IGF1R: variants seen among roughly 807,000 people sequenced by gnomAD.
The protein encoded by IGF1R is insulin-like growth factor 1 receptor.
IGF1R carries 44 observed loss-of-function variants against 144.6 expected under a neutral mutation model. The ratio of observed to expected loss-of-function variants is 0.30; its 90% CI spans 0.24 to 0.39. IGF1R has a LOEUF of 0.39. IGF1R is among the 10% of genes least tolerant of loss of function. The probability of loss-of-function intolerance (pLI) is 1.00; values close to 1 mark genes in which losing one functional copy is unlikely to be tolerated. For missense variants in IGF1R, 1,355 were observed against 1,833.7 expected (o/e 0.74, Z 4.77); for synonymous variants, 795 against 722.8 (o/e 1.10, Z -1.60).
At chr15:98,911,590 A>G (rs2015022509) in intron 7 of IGF1R, 149 bp downstream of exon 7, 1 of 1,008,434 alleles carries the variant, frequency 9.9e-7, no homozygotes, top group South Asian at 1.3e-5. Flanking sequence ...CTTCATCCTC[A>G]TGCACCCTCT....
At chr15:98,872,331 C>T (rs909635836) in intron 2 of IGF1R, among the ~76,000 whole-genome samples, 36 of 152,288 alleles carry the variant, frequency 2.4e-4, no homozygotes, top group Non-Finnish European at 3.4e-4. Flanking sequence ...AGTATATGAA[C>T]TGATCAGAGA....
chr15:98,672,569 C>CAAA lies in IGF1R; in HGVS notation c.94+22913_94+22915dup, dbSNP rs60559912. Among the ~76,000 whole-genome samples, 75 of 61,638 alleles carry CAAA rather than the reference C, an allele frequency of 1.2e-3. 2 individuals carry two copies. The highest frequency in any genetic ancestry group is 3.1e-3 in the African/African-American group (68 of 22,200). The allele number at this position is 61,638 out of a possible 152,430, so 40.4% of individuals were successfully genotyped here. A position where few individuals can be genotyped will look rare whatever the true frequency, so the allele number is the denominator to read the frequency against. On this transcript the variant is annotated intron_variant, in intron 1 of 20. Coordinates refer to ENST00000650285, the MANE Select transcript of IGF1R (RefSeq NM_000875.5). Reference sequence around the variant, plus strand: ...TGAGTGACAGAGCAAGACTCCATCTCAAAAAAAAAAAAAAAAAAAAAGTGT... The same window carrying CAAA: ...TGAGTGACAGAGCAAGACTCCATCTCAAAAAAAAAAAAAAAAAAAAAAAAGTGT...
chr15:98,895,740 A>T (rs901405136), intron 3 of IGF1R, among the ~76,000 whole-genome samples: 5 of 152,252 alleles, frequency 3.3e-5, no homozygotes, highest in Admixed American at 2.0e-4. Flanking sequence ...AGGGACATTA[A>T]TAAAAAGAGC....
In IGF1R at chr15:98,935,461, C is replaced by T; in HGVS notation, c.3297+35C>T. ...CATTTCCACCGGTATTGCATGTTGC[C>T]TGGCCTGCTCTCTTTTCCTTTATAA... On this transcript the variant is annotated intron_variant, in intron 17 of 20. Coordinates refer to ENST00000650285, the MANE Select transcript of IGF1R (RefSeq NM_000875.5). This position sits in a 1 kb window ranked among gnomAD's most constrained non-coding sequence, Gnocchi z 4.2. 8.5e-7 allele frequency: 1 copy of T among 1,169,618 alleles called. No homozygotes were observed. Among genetic ancestry groups the T allele is most frequent in the East Asian group, 2.5e-5 (1 of 39,240 alleles). 72.5% of individuals were successfully genotyped at this position (1,169,618 alleles called of 1,614,324 possible). A position where few individuals can be genotyped will look rare whatever the true frequency, so the allele number is the denominator to read the frequency against.
At chr15:98,827,501 A>G (rs2056915519) in intron 2 of IGF1R, among the ~76,000 whole-genome samples, 2 of 152,214 alleles carry the variant, frequency 1.3e-5, no homozygotes, top group South Asian at 4.1e-4. Context: ...AGACTTGGTA[A>G]ACCAAGGCAT....
intron 2 of IGF1R, among the ~76,000 whole-genome samples, chr15:98,780,378 T>G (rs926430174): frequency 6.6e-6 from 1 of 151,282 alleles, no homozygotes; most frequent in Non-Finnish European, 1.5e-5. Context: ...TGGAGAAACC[T>G]CATCTCTACT....
Position 98,961,994 on chromosome 15 carries a change from T to C in IGF1R, c.*4552T>C, listed in dbSNP as rs1003297648. 3.9e-4 allele frequency: 92 copies of C among 233,312 alleles called. No homozygotes were observed. Among genetic ancestry groups the C allele is most frequent in the African/African-American group, 2.0e-3 (89 of 45,468 alleles). The allele number at this position is 233,312 out of a possible 1,614,324, so 14.5% of individuals were successfully genotyped here. A position where few individuals can be genotyped will look rare whatever the true frequency, so the allele number is the denominator to read the frequency against. On this transcript the variant is annotated 3_prime_UTR_variant, in exon 21 of 21. Coordinates refer to ENST00000650285, the MANE Select transcript of IGF1R (RefSeq NM_000875.5). Reference sequence around the variant, plus strand: ...CATTGGGGTGCTTTGGGATAAAAGATTTATGAGCCAACTATTCTCTGGCAC... The same window carrying C: ...CATTGGGGTGCTTTGGGATAAAAGACTTATGAGCCAACTATTCTCTGGCAC...
At chr15:98,729,749 G>A (rs1272833918) in intron 2 of IGF1R, among the ~76,000 whole-genome samples, 1 of 152,124 alleles carries the variant, frequency 6.6e-6, no homozygotes, top group African/African-American at 2.4e-5. Context: ...TCCTCTTGAA[G>A]AGCCCTAACA....
intron 2 of IGF1R, among the ~76,000 whole-genome samples, chr15:98,885,451 A>T (rs115730240): frequency 3.9e-5 from 6 of 152,184 alleles, no homozygotes; most frequent in African/African-American, 1.4e-4. Flanking sequence ...TCTCCTGGCA[A>T]GGCAAGAGAA....
In IGF1R at chr15:98,962,851, G is replaced by A; in HGVS notation, c.*5409G>A. Reference sequence around the variant, plus strand: ...ACTGATCTCGGAGTTAAGGCGAATTGTTCAAGAACACAAACTACATCGCAC... The same window carrying A: ...ACTGATCTCGGAGTTAAGGCGAATTATTCAAGAACACAAACTACATCGCAC... On this transcript the variant is annotated 3_prime_UTR_variant, in exon 21 of 21. Coordinates refer to ENST00000650285, the MANE Select transcript of IGF1R (RefSeq NM_000875.5). The A allele has an allele frequency of 4.3e-6, 1 of 233,766 alleles. No individual in the cohort carries two copies. Among genetic ancestry groups the A allele is most frequent in the Non-Finnish European group, 8.5e-6 (1 of 118,068 alleles). 14.5% of individuals were successfully genotyped at this position (233,766 alleles called of 1,614,324 possible). A position where few individuals can be genotyped will look rare whatever the true frequency, so the allele number is the denominator to read the frequency against.
At chr15:98,951,442 C>T (rs1042525819) in intron 20 of IGF1R, among the ~76,000 whole-genome samples, 1 of 152,278 alleles carries the variant, frequency 6.6e-6, no homozygotes, top group African/African-American at 2.4e-5. Context: ...TTCTCCCCTT[C>T]TGTGTTAGTT....
At chr15:98,653,156 A>G (rs953589338) in intron 1 of IGF1R, among the ~76,000 whole-genome samples, 1 of 152,158 alleles carries the variant, frequency 6.6e-6, no homozygotes, top group Admixed American at 6.5e-5. Context: ...CAGGAGAAAA[A>G]GAATCTTGGT....
chr15:98,835,105 ACACACCCCTACACC>A (rs2057073008), intron 2 of IGF1R, among the ~76,000 whole-genome samples: 3 of 149,504 alleles, frequency 2.0e-5, no homozygotes, highest in African/African-American at 7.4e-5. Context: ...ACACACACAC[ACACACCCCTACACC>A]CACACACACC....
chr15:98,923,741 G>T (rs966415803), intron 11 of IGF1R, 135 bp from the exon 12 acceptor site: 2 of 751,658 alleles, frequency 2.7e-6, no homozygotes, highest in Non-Finnish European at 4.8e-6. Context: ...GGATGGGGGC[G>T]TTATTCTCAG....
Position 98,961,492 on chromosome 15 carries a change from C to T in IGF1R, c.*4050C>T, listed in dbSNP as rs895159021. ...TGACTATACCAAGGCATCATCTATCCACAGTTCTAGCCTAACTTCATGCTG... is the reference window on the plus strand; with the variant it reads ...TGACTATACCAAGGCATCATCTATCTACAGTTCTAGCCTAACTTCATGCTG... On this transcript the variant is annotated 3_prime_UTR_variant, in exon 21 of 21. Coordinates refer to ENST00000650285, the MANE Select transcript of IGF1R (RefSeq NM_000875.5). 8.6e-6 allele frequency: 2 copies of T among 233,354 alleles called. No individual in the cohort carries two copies. The highest frequency in any genetic ancestry group is 1.2e-4 in the East Asian group (2 of 16,596). The allele number at this position is 233,354 out of a possible 1,614,324, so 14.5% of individuals were successfully genotyped here. A position where few individuals can be genotyped will look rare whatever the true frequency, so the allele number is the denominator to read the frequency against.
At chr15:98,832,443 A>T (rs1022807803) in intron 2 of IGF1R, among the ~76,000 whole-genome samples, 2 of 152,220 alleles carry the variant, frequency 1.3e-5, no homozygotes, top group Admixed American at 1.3e-4. Context: ...AAAAGTTTAC[A>T]TTATTAGATT....
intron 2 of IGF1R, among the ~76,000 whole-genome samples, chr15:98,828,368 C>T (rs759162979): frequency 1.2e-4 from 19 of 152,058 alleles, no homozygotes; most frequent in Admixed American, 2.0e-4. Flanking sequence ...TATAAGACAC[C>T]TTGGTTGGGC....
At chr15:98,732,005 A>G (rs141854658) in intron 2 of IGF1R, among the ~76,000 whole-genome samples, 26 of 152,320 alleles carry the variant, frequency 1.7e-4, no homozygotes, top group Non-Finnish European at 3.5e-4. Context: ...GGCGTGCAGC[A>G]TTCGTATTCA....
chr15:98,922,598 A>G (rs1183554924), intron 11 of IGF1R, among the ~76,000 whole-genome samples, 167 bp downstream of exon 11: 3 of 152,142 alleles, frequency 2.0e-5, no homozygotes, highest in African/African-American at 7.2e-5. Flanking sequence ...CCAGCTGCCC[A>G]GGGAACAGAG....
Sources: allele counts gnomAD v4.1 joint callset (sites outside exome capture counted in the v4.1 genomes callset), GRCh38; gene constraint gnomAD v4.1.1; non-coding constraint Gnocchi (gnomAD v3.1); transcripts MANE v1.5; gene names NCBI Gene and HGNC (gene_info 2026-07-23, HGNC 2026-07-21).